The following FBXO8 variants were observed in gnomAD, a reference collection of about 807,000 sequenced individuals.
FBXO8 encodes the protein F-box protein 8, also known as F-box only protein 8.
Under a neutral mutation model 33.4 loss-of-function variants are expected in FBXO8, and 15 were observed. The observed-to-expected ratio is 0.45, with a 90% CI of 0.30 to 0.69. The LOEUF (loss-of-function observed/expected upper bound fraction) is 0.69. Ranked by LOEUF, FBXO8 falls within the 30% of genes least tolerant of loss-of-function variation. The pLI, the probability that FBXO8 is intolerant of heterozygous loss-of-function variation, is 0.08. For missense variants in FBXO8, 274 were observed against 380.3 expected (o/e 0.72, Z 2.32); for synonymous variants, 132 against 131.5 (o/e 1.00, Z -0.02).
rs1272896970 is a variant in FBXO8, at chr4:174,259,368, A to C, written c.456+331T>G. Among the ~76,000 whole-genome samples, 2 of 152,058 alleles carry C rather than the reference A, an allele frequency of 1.3e-5. No individual in the cohort carries two copies. The highest frequency in any genetic ancestry group is 2.9e-5 in the Non-Finnish European group (2 of 67,942). ...ACAGAAAAAAACTGCTGCAGATAAA[A>C]TCTGATGAACACACTCTGTGTTCTT... On this transcript the variant is annotated intron_variant, in intron 3 of 5. Transcript: ENST00000393674. The surrounding 1 kb of genome is among the most constrained non-coding windows in gnomAD (Gnocchi z 4.3).
intron 3 of FBXO8, among the ~76,000 whole-genome samples, chr4:174,258,295 A>C (rs146298478): frequency 2.2e-4 from 34 of 152,282 alleles, no homozygotes; most frequent in Non-Finnish European, 3.2e-4. Context: ...TATATTTTAT[A>C]ATAAAAGGCA....
At position 174,267,547 on chromosome 4, in the gene FBXO8, T is replaced by C. The variant is rs1736721957; in HGVS notation, c.-8-4447A>G. Among the ~76,000 whole-genome samples the C allele has an allele frequency of 1.3e-5, 2 of 151,728 alleles. No individual in the cohort carries two copies. Among genetic ancestry groups the C allele is most frequent in the Admixed American group, 1.3e-4 (2 of 15,210 alleles). The stretch of plus-strand genomic sequence containing the variant: ...GAGTGACAGAGTGAGACCTTGCCTC[T>C]AAAAAAAATTAAAATTAAAAATTAA... On this transcript the variant is annotated intron_variant, in intron 1 of 5. Transcript: ENST00000393674. This position sits in a 1 kb window ranked among gnomAD's most constrained non-coding sequence, Gnocchi z 4.7.
chr4:174,264,081 T>C (rs1360581100), intron 1 of FBXO8, among the ~76,000 whole-genome samples: 1 of 152,174 alleles, frequency 6.6e-6, no homozygotes, highest in Non-Finnish European at 1.5e-5. Context: ...TTTTATCAAC[T>C]CGAGTTGACT....
chr4:174,266,146 C>T (rs545423993), intron 1 of FBXO8, among the ~76,000 whole-genome samples: 102 of 152,162 alleles, frequency 6.7e-4, no homozygotes, highest in African/African-American at 2.4e-3. Context: ...CCCTAGGCTC[C>T]GGACTTTAAT....
intron 1 of FBXO8, among the ~76,000 whole-genome samples, chr4:174,264,756 T>C (rs1736652390): frequency 2.0e-5 from 3 of 151,700 alleles, no homozygotes; most frequent in Admixed American, 1.3e-4. Context: ...CATGGTATTT[T>C]TTCCTAAATC....
In FBXO8 at chr4:174,262,639, A is replaced by C. The variant is rs1736593296; in HGVS notation, c.329+125T>G. On this transcript the variant is annotated intron_variant, in intron 2 of 5. Coordinates refer to ENST00000393674, the MANE Select transcript of FBXO8 (RefSeq NM_012180.3). This position sits in a 1 kb window ranked among gnomAD's most constrained non-coding sequence, Gnocchi z 4.6. ...CTGTATATTTTTCCAGGTTTTAATA[A>C]AGAGCATCTCAAAGTACAAGCCCAA... 1.3e-6 allele frequency: 1 copy of C among 758,530 alleles called. No homozygotes were observed. The highest frequency in any genetic ancestry group is 2.9e-5 in the Admixed American group (1 of 34,280). 47.0% of individuals were successfully genotyped at this position (758,530 alleles called of 1,614,324 possible).
intron 1 of FBXO8, among the ~76,000 whole-genome samples, chr4:174,268,657 C>T (rs941025660): frequency 2.0e-5 from 3 of 152,126 alleles, no homozygotes; most frequent in Non-Finnish European, 2.9e-5. Context: ...AGGATGGTCT[C>T]CATCTCCTGA....
chr4:174,260,103 A>G (rs1398576078), intron 2 of FBXO8, among the ~76,000 whole-genome samples: 3 of 152,052 alleles, frequency 2.0e-5, no homozygotes, highest in South Asian at 2.1e-4. Context: ...TATTCCTAAT[A>G]ATAGTAATAA....
intron 5 of FBXO8, 82 bp downstream of exon 5, chr4:174,238,912 A>G (rs1388299052): frequency 1.2e-6 from 1 of 855,244 alleles, no homozygotes; most frequent in Non-Finnish European, 1.7e-6. Context: ...TTTTCCCCAC[A>G]GTGAGACAAA....
chr4:174,236,974 G>A lies in FBXO8; in HGVS notation c.*438C>T, dbSNP rs1490982036. The A allele has an allele frequency of 6.6e-6, 1 of 152,324 alleles. No homozygotes were observed. The highest frequency in any genetic ancestry group is 2.4e-5 in the African/African-American group (1 of 41,416). The allele number at this position is 152,324 out of a possible 1,614,324, so 9.4% of individuals were successfully genotyped here. ...AAATAAATTTCAGAACTCAGTTTGA[G>A]AGAAAAGGAAAAACTTTAGTTAAAA... On this transcript the variant is annotated 3_prime_UTR_variant, in exon 6 of 6. Coordinates refer to ENST00000393674, the MANE Select transcript of FBXO8 (RefSeq NM_012180.3).
In FBXO8 at chr4:174,270,280, CTGTGG is replaced by C. The variant is rs1736807601; in HGVS notation, c.-8-7185_-8-7181del. Among the ~76,000 whole-genome samples the C allele has an allele frequency of 6.6e-6, 1 of 152,204 alleles. No individual in the cohort carries two copies. The highest frequency in any genetic ancestry group is 1.5e-5 in the Non-Finnish European group (1 of 68,040). On this transcript the variant is annotated intron_variant, in intron 1 of 5. Coordinates refer to ENST00000393674, the MANE Select transcript of FBXO8 (RefSeq NM_012180.3). This position sits in a 1 kb window ranked among gnomAD's most constrained non-coding sequence, Gnocchi z 4.6. ...TTTCTGTTCCTAAAGTCCTATGCTGCTGTGGCACAGTAGCTGGGAAGACGTAAATG... is the reference window on the plus strand; with the variant it reads ...TTTCTGTTCCTAAAGTCCTATGCTGCCACAGTAGCTGGGAAGACGTAAATG...
In FBXO8 at chr4:174,252,995, T is replaced by C. The variant is rs1365066318; in HGVS notation, c.456+6704A>G. Among the ~76,000 whole-genome samples, 1 of 151,898 alleles carries C rather than the reference T, an allele frequency of 6.6e-6. No individual in the cohort carries two copies. The highest frequency in any genetic ancestry group is 2.4e-5 in the African/African-American group (1 of 41,368). The stretch of plus-strand genomic sequence containing the variant: ...CAAGAAAAATAAAAAATCTAAAAAA[T>C]CTTTCTCTATACACATATTTTCCAA... On this transcript the variant is annotated intron_variant, in intron 3 of 5. Coordinates refer to ENST00000393674, the MANE Select transcript of FBXO8 (RefSeq NM_012180.3). This position sits in a 1 kb window ranked among gnomAD's most constrained non-coding sequence, Gnocchi z 5.1.
Position 174,251,235 on chromosome 4 carries a change from T to C in FBXO8, c.456+8464A>G, listed in dbSNP as rs1239731512. ...CTCAATGATACAGCAAATTAGTAGTTCCCATAGCACACTGAATAAAACAAG... is the reference window on the plus strand; with the variant it reads ...CTCAATGATACAGCAAATTAGTAGTCCCCATAGCACACTGAATAAAACAAG... On this transcript the variant is annotated intron_variant, in intron 3 of 5. Coordinates refer to ENST00000393674, the MANE Select transcript of FBXO8 (RefSeq NM_012180.3). The surrounding 1 kb of genome is among the most constrained non-coding windows in gnomAD (Gnocchi z 4.2). Among the ~76,000 whole-genome samples, 1 of 152,124 alleles carries C rather than the reference T, an allele frequency of 6.6e-6. No homozygotes were observed. The highest frequency in any genetic ancestry group is 2.4e-5 in the African/African-American group (1 of 41,440).
rs1235421265 is a variant in FBXO8, at chr4:174,281,738, CA to C, written c.-9+1671del. The stretch of plus-strand genomic sequence containing the variant: ...ATGATATAAATTTATTCAAGTCAGC[CA>C]AAAATGTTTTAGTTTATTAGAGAGC... On this transcript the variant is annotated intron_variant, in intron 1 of 5. Transcript: ENST00000393674. This position sits in a 1 kb window ranked among gnomAD's most constrained non-coding sequence, Gnocchi z 4.6. Among the ~76,000 whole-genome samples, 1 of 151,736 alleles carries C rather than the reference CA, an allele frequency of 6.6e-6. No homozygotes were observed. The highest frequency in any genetic ancestry group is 1.9e-4 in the East Asian group (1 of 5,184).
chr4:174,245,192 C>G lies in FBXO8; in HGVS notation c.457-3974G>C, dbSNP rs1736133064. Reference sequence around the variant, plus strand: ...GGCAATGAGACACATACATAAACATCTAGAATACACACGTGCCAAGGTACA... The same window carrying G: ...GGCAATGAGACACATACATAAACATGTAGAATACACACGTGCCAAGGTACA... On this transcript the variant is annotated intron_variant, in intron 3 of 5. Coordinates refer to ENST00000393674, the MANE Select transcript of FBXO8 (RefSeq NM_012180.3). The surrounding 1 kb of genome is among the most constrained non-coding windows in gnomAD (Gnocchi z 4.6). Among the ~76,000 whole-genome samples, 1 of 151,646 alleles carries G rather than the reference C, an allele frequency of 6.6e-6. No individual in the cohort carries two copies. Among genetic ancestry groups the G allele is most frequent in the Non-Finnish European group, 1.5e-5 (1 of 67,776 alleles).
Position 174,267,005 on chromosome 4 carries a change from C to T in FBXO8, c.-8-3905G>A, listed in dbSNP as rs1308970007. ...GCTTATTTGTTCATGTTGCTACTTG[C>T]ACAGCTTTGTAGGGCCTCTACACAC... On this transcript the variant is annotated intron_variant, in intron 1 of 5. Transcript: ENST00000393674. This position sits in a 1 kb window ranked among gnomAD's most constrained non-coding sequence, Gnocchi z 4.7. 1.3e-5 allele frequency among the ~76,000 whole-genome samples: 2 copies of T among 152,132 alleles called. No homozygotes were observed. The highest frequency in any genetic ancestry group is 6.5e-5 in the Admixed American group (1 of 15,270).
At chr4:174,244,602 A>G (rs1259056097) in intron 3 of FBXO8, among the ~76,000 whole-genome samples, 1 of 151,652 alleles carries the variant, frequency 6.6e-6, no homozygotes, top group African/African-American at 2.4e-5. Flanking sequence ...GAATTCTAAG[A>G]TAGTTTTGTC....
At position 174,236,661 on chromosome 4, in the gene FBXO8, A is replaced by G. The variant is rs1184427739; in HGVS notation, c.*751T>C. 4 of 152,196 alleles carry G rather than the reference A, an allele frequency of 2.6e-5. No individual in the cohort carries two copies. Among genetic ancestry groups the G allele is most frequent in the Non-Finnish European group, 5.9e-5 (4 of 68,016 alleles). 9.4% of individuals were successfully genotyped at this position (152,196 alleles called of 1,614,324 possible). ...ACCACATATAAGCAAGCAAACATTT[A>G]CCAGAGTTCTAATAATATTTTATTT... On this transcript the variant is annotated 3_prime_UTR_variant, in exon 6 of 6. Coordinates refer to ENST00000393674, the MANE Select transcript of FBXO8 (RefSeq NM_012180.3).
chr4:174,238,626 C>G (rs1386672878), intron 5 of FBXO8, among the ~76,000 whole-genome samples: 1 of 150,224 alleles, frequency 6.7e-6, no homozygotes, highest in Non-Finnish European at 1.5e-5. Flanking sequence ...GACATAGACA[C>G]AGTCTATGTG....
Sources: gnomAD v4.1 joint callset for allele counts (sites outside exome capture counted in the v4.1 genomes callset) on GRCh38, gnomAD v4.1.1 for gene constraint, Gnocchi (gnomAD v3.1) non-coding constraint, MANE v1.5 for transcripts, NCBI Gene and HGNC (gene_info 2026-07-23, HGNC 2026-07-21) for gene names.